LRRC4C: variants seen among roughly 807,000 people sequenced by gnomAD.
The protein encoded by LRRC4C is leucine-rich repeat-containing protein 4C.
Under a neutral mutation model 33.6 loss-of-function variants are expected in LRRC4C, and 5 were observed. The observed-to-expected ratio is 0.15, with a 90% confidence interval of 0.08 to 0.31. The LOEUF is 0.31. LRRC4C is among the 10% of genes least tolerant of loss of function. LRRC4C has a pLI of 1.00. For synonymous variants in LRRC4C, 329 were observed against 302.0 expected (o/e 1.09, Z -0.93); for missense variants, 560 against 796.7 (o/e 0.70, Z 3.58).
chr11:41,417,964 A>G (rs1409939293), intron 1 of LRRC4C, among the ~76,000 whole-genome samples: 4 of 151,350 alleles, frequency 2.6e-5, no homozygotes, highest in Non-Finnish European at 5.9e-5. Flanking sequence ...ACAAATATAT[A>G]CAAATATATA....
intron 4 of LRRC4C, among the ~76,000 whole-genome samples, chr11:40,261,981 G>A (rs1941878194): frequency 1.3e-5 from 2 of 152,132 alleles, no homozygotes; most frequent in South Asian, 4.1e-4. Flanking sequence ...TTGACAAATG[G>A]GATCTAATTA....
chr11:40,673,268 T>C (rs1037833169), intron 2 of LRRC4C, among the ~76,000 whole-genome samples: 5 of 152,142 alleles, frequency 3.3e-5, no homozygotes, highest in African/African-American at 7.2e-5. Flanking sequence ...GCAGTTCTCA[T>C]GAGAAATTAC....
chr11:41,244,836 C>T (rs1948388245), intron 1 of LRRC4C, among the ~76,000 whole-genome samples: 1 of 152,160 alleles, frequency 6.6e-6, no homozygotes, highest in African/African-American at 2.4e-5. Flanking sequence ...TAGCATACTG[C>T]AGGCACAGGG....
At chr11:41,399,035 A>G (rs1302183484) in intron 1 of LRRC4C, among the ~76,000 whole-genome samples, 1 of 151,966 alleles carries the variant, frequency 6.6e-6, no homozygotes, top group Admixed American at 6.6e-5. Context: ...GATTTACAAT[A>G]CACAATATAG....
At chr11:40,629,086 T>G (rs1438284919) in intron 3 of LRRC4C, among the ~76,000 whole-genome samples, 1 of 152,204 alleles carries the variant, frequency 6.6e-6, no homozygotes, top group African/African-American at 2.4e-5. Flanking sequence ...CTTAGCAAGT[T>G]GCAATTAAAA....
At position 41,445,694 on chromosome 11, in the gene LRRC4C, A is replaced by G. The variant is rs1395950202; in HGVS notation, c.-496+13737T>C. 2.6e-5 allele frequency among the ~76,000 whole-genome samples: 4 copies of G among 152,172 alleles called. No individual in the cohort carries two copies. In the East Asian group the frequency reaches 7.7e-4, roughly 29 times the overall value. ...TTAATCTTCAGCCTTCCCATCTGTA[A>G]TACGTGAACAATAATTACACCTTTC... On this transcript the variant is annotated intron_variant, in intron 1 of 6. Coordinates refer to ENST00000528697, the MANE Select transcript of LRRC4C (RefSeq NM_001258419.2).
At chr11:41,381,539 A>C (rs955157205) in intron 1 of LRRC4C, among the ~76,000 whole-genome samples, 16 of 151,892 alleles carry the variant, frequency 1.1e-4, no homozygotes, top group African/African-American at 3.9e-4. Flanking sequence ...AGGCAGGAGA[A>C]TCATTTGAAC....
chr11:40,965,209 A>C (rs1215087846), intron 1 of LRRC4C, among the ~76,000 whole-genome samples: 3 of 151,716 alleles, frequency 2.0e-5, no homozygotes, highest in Non-Finnish European at 4.4e-5. Context: ...CCACTTTTTG[A>C]TGGGTTTTTT....
At chr11:41,368,783 T>C (rs1312172774) in intron 1 of LRRC4C, among the ~76,000 whole-genome samples, 1 of 152,214 alleles carries the variant, frequency 6.6e-6, no homozygotes, top group Non-Finnish European at 1.5e-5. Flanking sequence ...CATAAAGCTC[T>C]GCAGCAATTT....
In LRRC4C at chr11:41,454,514, G is replaced by A. The variant is rs11600933; in HGVS notation, c.-496+4917C>T. ...AAATATGCATCCTTTTATTAACAGT[G>A]AACAAAATGAGATTTTAGATAAAGA... On this transcript the variant is annotated intron_variant, in intron 1 of 6. Transcript: ENST00000528697. 5.0e-3 allele frequency among the ~76,000 whole-genome samples: 761 copies of A among 152,238 alleles called. 5 individuals are homozygous for A. The highest frequency in any genetic ancestry group is 0.012 in the African/African-American group (487 of 41,554).
At chr11:40,182,897 A>G (rs1861118982) in intron 5 of LRRC4C, among the ~76,000 whole-genome samples, 1 of 152,198 alleles carries the variant, frequency 6.6e-6, no homozygotes, top group Admixed American at 6.5e-5. Context: ...AGTTTTCATA[A>G]TAACGGGAAG....
chr11:40,844,016 A>T (rs1360494593), intron 2 of LRRC4C, among the ~76,000 whole-genome samples: 2 of 152,110 alleles, frequency 1.3e-5, no homozygotes, highest in African/African-American at 2.4e-5. Context: ...AAATTCTGAG[A>T]CATTATTGGT....
chr11:41,150,518 G>A (rs1362273248), intron 1 of LRRC4C, among the ~76,000 whole-genome samples: 4 of 151,956 alleles, frequency 2.6e-5, no homozygotes, highest in African/African-American at 9.7e-5. Context: ...TTTGCCAGGC[G>A]CGGTGGCTCA....
intron 5 of LRRC4C, among the ~76,000 whole-genome samples, chr11:40,204,657 A>C (rs1342389701): frequency 6.6e-6 from 1 of 152,180 alleles, no homozygotes; most frequent in Non-Finnish European, 1.5e-5. Flanking sequence ...TTGGATAAAG[A>C]CAATTGATAA....
chr11:40,147,155 T>C (rs1254249841), intron 5 of LRRC4C, among the ~76,000 whole-genome samples: 6 of 152,122 alleles, frequency 3.9e-5, no homozygotes, highest in African/African-American at 1.4e-4. Flanking sequence ...CTTCTCTCAA[T>C]TTAATAGTGG....
chr11:40,825,322 C>A (rs570210724), intron 2 of LRRC4C, among the ~76,000 whole-genome samples: 1 of 151,960 alleles, frequency 6.6e-6, no homozygotes, highest in Admixed American at 6.6e-5. Context: ...AAGGTCCAGA[C>A]GATTCCATCA....
At chr11:40,199,032 G>A (rs557097931) in intron 5 of LRRC4C, among the ~76,000 whole-genome samples, 8 of 152,118 alleles carry the variant, frequency 5.3e-5, no homozygotes, top group Admixed American at 1.3e-4. Context: ...ATGGGGAAGA[G>A]AGACAGAAGT....
intron 3 of LRRC4C, among the ~76,000 whole-genome samples, chr11:40,464,635 A>T (rs374154018): frequency 6.6e-6 from 1 of 152,088 alleles, no homozygotes; most frequent in East Asian, 1.9e-4. Flanking sequence ...AGGTTTCAGG[A>T]TACAAAATTA....
chr11:40,965,800 C>T (rs1284197606), intron 1 of LRRC4C, among the ~76,000 whole-genome samples: 4 of 151,936 alleles, frequency 2.6e-5, no homozygotes, highest in South Asian at 4.2e-4. Context: ...AGTCAGGTAG[C>T]GTGATGCCTC....
Sources: gnomAD v4.1 joint callset for allele counts (sites outside exome capture counted in the v4.1 genomes callset) on GRCh38, gnomAD v4.1.1 for gene constraint, MANE v1.5 for transcripts, NCBI Gene and HGNC (gene_info 2026-07-23, HGNC 2026-07-21) for gene names.